GRID1: variants seen among roughly 807,000 people sequenced by gnomAD.
The protein encoded by GRID1 is glutamate receptor ionotropic, delta-1.
In GRID1, 28 loss-of-function variants were observed where a neutral mutation model predicts 98.0. The observed-to-expected ratio is 0.29, with a 90% CI of 0.21 to 0.39. The LOEUF is 0.39. Among genes scored for constraint, GRID1 ranks in the 10% least tolerant of loss-of-function variants. The probability of loss-of-function intolerance (pLI) is 1.00; values close to 1 mark genes in which losing one functional copy is unlikely to be tolerated. For missense variants in GRID1, 1,111 were observed against 1,340.5 expected, an observed-to-expected ratio of 0.83 and a Z score of 2.67; for synonymous variants, 553 against 538.5, an observed-to-expected ratio of 1.03 and a Z score of -0.37.
At chr10:85,793,118 GC>G (rs11323882) in intron 8 of GRID1, among the ~76,000 whole-genome samples, 4,939 of 152,172 alleles carry the variant, frequency 0.032, 106 homozygotes, top group East Asian at 0.063. Flanking sequence ...GGGCTTTGAA[GC>G]CTTTCCACGT....
At chr10:86,081,370 T>C (rs979819620) in intron 4 of GRID1, among the ~76,000 whole-genome samples, 1 of 152,096 alleles carries the variant, frequency 6.6e-6, no homozygotes, top group African/African-American at 2.4e-5. Context: ...ATTCCACCCT[T>C]ATGTAGGTGA....
At chr10:86,335,158 G>A (rs995339319) in intron 2 of GRID1, among the ~76,000 whole-genome samples, 50 of 152,302 alleles carry the variant, frequency 3.3e-4, no homozygotes, top group African/African-American at 1.0e-3. Context: ...AGCTACTGTC[G>A]GCTCCTCCGA....
chr10:86,247,191 G>A (rs959464795), intron 2 of GRID1, among the ~76,000 whole-genome samples: 1 of 152,050 alleles, frequency 6.6e-6, no homozygotes, highest in Non-Finnish European at 1.5e-5. Context: ...ATATATGAGT[G>A]GATGGGTGGG....
intron 3 of GRID1, among the ~76,000 whole-genome samples, chr10:86,179,602 T>TC (rs1196112325): frequency 6.6e-6 from 1 of 152,106 alleles, no homozygotes; most frequent in Non-Finnish European, 1.5e-5. Context: ...CCCCTTCTGC[T>TC]CCCTGGGTCC....
intron 2 of GRID1, among the ~76,000 whole-genome samples, chr10:86,346,180 C>T (rs1848378962): frequency 6.6e-6 from 1 of 152,206 alleles, no homozygotes; most frequent in Non-Finnish European, 1.5e-5. Context: ...GTGTGGCCTG[C>T]CAGGGCAACT....
chr10:85,810,724 A>T (rs575887583), intron 8 of GRID1, among the ~76,000 whole-genome samples: 2 of 152,324 alleles, frequency 1.3e-5, no homozygotes, highest in East Asian at 3.9e-4. Context: ...TCAGAAAAAC[A>T]GCCTGGTGGA....
chr10:86,334,170 G>A (rs984744630), intron 2 of GRID1, among the ~76,000 whole-genome samples: 2 of 152,026 alleles, frequency 1.3e-5, no homozygotes, highest in Non-Finnish European at 2.9e-5. Context: ...TTCCATTTCC[G>A]GGGACTATGC....
At chr10:86,075,400 C>A (rs1843866479) in intron 4 of GRID1, among the ~76,000 whole-genome samples, 1 of 150,304 alleles carries the variant, frequency 6.7e-6, no homozygotes, top group Admixed American at 6.6e-5. Context: ...GATGCTGCCA[C>A]AAGCCAAGGA....
At chr10:85,895,169 C>T (rs1268650646) in intron 5 of GRID1, among the ~76,000 whole-genome samples, 2 of 151,664 alleles carry the variant, frequency 1.3e-5, no homozygotes, top group African/African-American at 2.4e-5. Context: ...CTCTCAGCAG[C>T]TCCTGTTAGC....
intron 1 of GRID1, 26 bp from the exon 2 acceptor site, chr10:86,364,122 G>A (rs765310523): frequency 5.0e-6 from 8 of 1,605,734 alleles, no homozygotes; most frequent in Non-Finnish European, 6.8e-6. Context: ...GATCAAGACC[G>A]GACCTGGACA....
intron 2 of GRID1, among the ~76,000 whole-genome samples, chr10:86,324,407 C>T (rs889825493): frequency 1.4e-4 from 22 of 151,980 alleles, no homozygotes; most frequent in African/African-American, 5.3e-4. Flanking sequence ...ATTATTGAAC[C>T]CTTAGTGGAT....
chr10:86,338,879 A>G (rs1848269218), intron 2 of GRID1, among the ~76,000 whole-genome samples: 1 of 152,028 alleles, frequency 6.6e-6, no homozygotes. Context: ...TCACACAAAT[A>G]CCCTGGGTAT....
At chr10:85,928,426 C>T (rs1379283160) in intron 4 of GRID1, among the ~76,000 whole-genome samples, 1 of 152,252 alleles carries the variant, frequency 6.6e-6, no homozygotes, top group Non-Finnish European at 1.5e-5. Flanking sequence ...AGCAGCAAGG[C>T]AGCCTGCACA....
chr10:85,862,973 A>G (rs1406474844), intron 6 of GRID1, among the ~76,000 whole-genome samples: 1 of 152,152 alleles, frequency 6.6e-6, no homozygotes, highest in African/African-American at 2.4e-5. Flanking sequence ...CACATTCCCC[A>G]GCGGGGAGGG....
intron 3 of GRID1, among the ~76,000 whole-genome samples, chr10:86,147,764 T>A (rs1418363044): frequency 6.6e-6 from 1 of 152,218 alleles, no homozygotes; most frequent in African/African-American, 2.4e-5. Flanking sequence ...CTCCAGAGCA[T>A]GCCTTTTATC....
intron 8 of GRID1, among the ~76,000 whole-genome samples, chr10:85,764,756 T>G (rs1336696962): frequency 6.6e-6 from 1 of 152,250 alleles, no homozygotes; most frequent in Non-Finnish European, 1.5e-5. Context: ...CAGTTTACTC[T>G]GCACATAGCT....
At chr10:85,854,720 A>G in intron 7 of GRID1, 105 bp from the exon 8 acceptor site, 1 of 1,134,772 alleles carries the variant, frequency 8.8e-7, no homozygotes, top group Non-Finnish European at 1.3e-6. Flanking sequence ...CGGAGCAATC[A>G]GTTTTGAGAC....
intron 13 of GRID1, among the ~76,000 whole-genome samples, chr10:85,626,447 G>T (rs1244744586): frequency 1.3e-5 from 2 of 152,274 alleles, no homozygotes; most frequent in East Asian, 3.9e-4. Context: ...ACACACAAAT[G>T]GCAATGCCTG....
At chr10:85,662,946 C>A (rs915324069) in intron 12 of GRID1, among the ~76,000 whole-genome samples, 2 of 152,094 alleles carry the variant, frequency 1.3e-5, no homozygotes, top group Non-Finnish European at 2.9e-5. Context: ...CTGTCCTGTG[C>A]AAGATTTTGT....
Sources: allele counts gnomAD v4.1 joint callset (sites outside exome capture counted in the v4.1 genomes callset), GRCh38; gene constraint gnomAD v4.1.1; transcripts MANE v1.5; gene names NCBI Gene and HGNC (gene_info 2026-07-23, HGNC 2026-07-21).